Variants in C8orf34 observed in about 807,000 individuals in gnomAD.
C8orf34 encodes the protein chromosome 8 open reading frame 34, also known as uncharacterized protein C8orf34.
Under a neutral mutation model 68.3 loss-of-function variants are expected in C8orf34, and 65 were observed. The observed-to-expected ratio is 0.95, with a 90% CI of 0.78 to 1.17. The LOEUF (loss-of-function observed/expected upper bound fraction) is 1.17, where lower values mean the gene tolerates loss of function less well. C8orf34 is among the 50% of genes most tolerant of loss of function. C8orf34 has a pLI of 0.00. For missense variants in C8orf34, 664 were observed against 655.4 expected, an observed-to-expected ratio of 1.01 and a Z score of -0.14; for synonymous variants, 244 against 241.2, an observed-to-expected ratio of 1.01 and a Z score of -0.11.
chr8:68,362,212 T>C (rs1408949531), intron 1 of C8orf34, among the ~76,000 whole-genome samples: 2 of 152,258 alleles, frequency 1.3e-5, no homozygotes, highest in Non-Finnish European at 2.9e-5. Flanking sequence ...AGATTATAAA[T>C]TTGAGGTTCT....
intron 8 of C8orf34, among the ~76,000 whole-genome samples, chr8:68,681,452 C>G (rs1054879929): frequency 6.6e-6 from 1 of 152,104 alleles, no homozygotes; most frequent in African/African-American, 2.4e-5. Context: ...GTGAGTCAAT[C>G]TACAATGAGA....
intron 3 of C8orf34, among the ~76,000 whole-genome samples, chr8:68,453,600 T>A (rs1189096170): frequency 6.6e-6 from 1 of 152,008 alleles, no homozygotes; most frequent in Non-Finnish European, 1.5e-5. Context: ...GAAATAAAAC[T>A]GATTTTTGTA....
At chr8:68,391,396 C>T (rs888678596) in intron 1 of C8orf34, among the ~76,000 whole-genome samples, 1 of 152,120 alleles carries the variant, frequency 6.6e-6, no homozygotes, top group African/African-American at 2.4e-5. Flanking sequence ...CAAGGCTATA[C>T]TGACATGCTG....
At chr8:68,584,442 A>G (rs968571766) in intron 7 of C8orf34, among the ~76,000 whole-genome samples, 4 of 152,192 alleles carry the variant, frequency 2.6e-5, no homozygotes, top group Non-Finnish European at 4.4e-5. Flanking sequence ...ATAGCTTTCT[A>G]CGGAAATCCG....
intron 1 of C8orf34, among the ~76,000 whole-genome samples, chr8:68,354,172 T>G (rs1806643970): frequency 6.6e-6 from 1 of 152,104 alleles, no homozygotes; most frequent in Non-Finnish European, 1.5e-5. Flanking sequence ...ACATGTATAT[T>G]TTTCAATAAA....
chr8:68,758,170 A>C (rs1822920489), intron 10 of C8orf34, among the ~76,000 whole-genome samples: 2 of 152,250 alleles, frequency 1.3e-5, no homozygotes, highest in Admixed American at 1.3e-4. Context: ...TGACATAAAC[A>C]TGAAATTTGG....
At chr8:68,601,518 G>A (rs1033585073) in intron 7 of C8orf34, among the ~76,000 whole-genome samples, 2 of 151,870 alleles carry the variant, frequency 1.3e-5, no homozygotes, top group Middle Eastern at 3.2e-3. Context: ...AATCCATCCT[G>A]TAAGTTTTTA....
At chr8:68,580,363 A>C (rs1462678488) in intron 7 of C8orf34, among the ~76,000 whole-genome samples, 1 of 152,154 alleles carries the variant, frequency 6.6e-6, no homozygotes, top group African/African-American at 2.4e-5. Context: ...AAGGAGACCT[A>C]AAATGCTTAT....
chr8:68,477,426 C>T (rs1234841255), intron 4 of C8orf34, among the ~76,000 whole-genome samples: 1 of 152,226 alleles, frequency 6.6e-6, no homozygotes, highest in African/African-American at 2.4e-5. Flanking sequence ...CATGGAGAAC[C>T]TCTGCGAGGG....
At chr8:68,786,574 C>G (rs1307415385) in intron 11 of C8orf34, among the ~76,000 whole-genome samples, 5 of 152,074 alleles carry the variant, frequency 3.3e-5, no homozygotes, top group Non-Finnish European at 7.4e-5. Flanking sequence ...GACTCCCGAG[C>G]CTTGGAAGAG....
chr8:68,616,385 G>T (rs1233246701), intron 7 of C8orf34, among the ~76,000 whole-genome samples: 1 of 152,072 alleles, frequency 6.6e-6, no homozygotes, highest in East Asian at 1.9e-4. Flanking sequence ...TGATGTTAGG[G>T]TGTCAATTTT....
chr8:68,480,891 C>T (rs1812829917), intron 4 of C8orf34, among the ~76,000 whole-genome samples: 1 of 152,074 alleles, frequency 6.6e-6, no homozygotes, highest in South Asian at 2.1e-4. Flanking sequence ...AAATTTGCAG[C>T]CTGACTTTGC....
Position 68,740,263 on chromosome 8 carries a change from T to C in C8orf34, c.1404+18826T>C, listed in dbSNP as rs534819527. On this transcript the variant is annotated intron_variant, in intron 10 of 13. Transcript: ENST00000518698. ...GCAAAAATTGATAAATGGGATCTAA[T>C]TAAAGTAAAGAGCTTCTGCATAGCA... Among the ~76,000 whole-genome samples the C allele has an allele frequency of 6.6e-5, 10 of 152,246 alleles. No homozygotes were observed. The East Asian group carries it at 1.9e-3, about 29-fold the overall frequency.
rs116465857 is a variant in C8orf34 at position 68,670,736 on chromosome 8, G to T, written c.1241+30225G>T. On this transcript the variant is annotated intron_variant, in intron 8 of 13. Transcript: ENST00000518698. ...TGGCCCTTCTTTGAGTCTCATATTTGCAGGACTCCAATATACATATGCACA... is the reference window on the plus strand; with the variant it reads ...TGGCCCTTCTTTGAGTCTCATATTTTCAGGACTCCAATATACATATGCACA... Among the ~76,000 whole-genome samples, 657 of 152,114 alleles carry T rather than the reference G, an allele frequency of 4.3e-3. 11 individuals carry two copies. Among genetic ancestry groups the T allele is most frequent in the African/African-American group, 0.015 (620 of 41,484 alleles).
intron 10 of C8orf34, among the ~76,000 whole-genome samples, chr8:68,744,725 G>C (rs1222422466): frequency 6.6e-6 from 1 of 152,180 alleles, no homozygotes; most frequent in African/African-American, 2.4e-5. Flanking sequence ...CAAGAAATAT[G>C]GGACTATGTG....
chr8:68,629,306 C>A (rs1818622874), intron 7 of C8orf34, among the ~76,000 whole-genome samples: 1 of 152,162 alleles, frequency 6.6e-6, no homozygotes. Flanking sequence ...AAACCAAAAA[C>A]ACCATCTCTT....
intron 1 of C8orf34, among the ~76,000 whole-genome samples, chr8:68,345,352 G>A (rs1195569867): frequency 6.6e-6 from 1 of 151,804 alleles, no homozygotes; most frequent in Non-Finnish European, 1.5e-5. Flanking sequence ...TTATATATAA[G>A]TACTCCATGA....
intron 7 of C8orf34, among the ~76,000 whole-genome samples, chr8:68,571,114 C>T (rs1816748599): frequency 1.3e-5 from 2 of 152,096 alleles, no homozygotes; most frequent in African/African-American, 4.8e-5. Context: ...CTTGTCTATT[C>T]TTGGAAATAA....
intron 11 of C8orf34, among the ~76,000 whole-genome samples, chr8:68,781,997 C>T (rs1014045710): frequency 6.6e-6 from 1 of 152,160 alleles, no homozygotes; most frequent in African/African-American, 2.4e-5. Flanking sequence ...AATTGACTTA[C>T]TACTCATATC....
Sources: allele counts gnomAD v4.1 joint callset (sites outside exome capture counted in the v4.1 genomes callset), GRCh38; gene constraint gnomAD v4.1.1; transcripts MANE v1.5; gene names NCBI Gene and HGNC (gene_info 2026-07-23, HGNC 2026-07-21).